The following ALDH5A1 variants were observed in gnomAD, a reference collection of about 807,000 sequenced individuals.
The protein encoded by ALDH5A1 is aldehyde dehydrogenase 5 family member A1.
Under a neutral mutation model 54.7 loss-of-function variants are expected in ALDH5A1, and 33 were observed. The ratio of observed to expected loss-of-function variants is 0.60; its 90% CI spans 0.46 to 0.81. ALDH5A1 has a LOEUF of 0.81. ALDH5A1 is among the 30% of genes least tolerant of loss of function. ALDH5A1 has a pLI of 0.00. For missense variants in ALDH5A1, 657 were observed against 711.0 expected, an observed-to-expected ratio of 0.92 and a Z score of 0.86; for synonymous variants, 294 against 292.7, an observed-to-expected ratio of 1.00 and a Z score of -0.05.
Position 24,522,809 on chromosome 6 carries a change from C to T in ALDH5A1, c.1057C>T (p.His353Tyr). ...CCAATTCTTGGTGCAAAGGGGCATC[C>T]ATGATGCCTTTGTAAAAGCATTCGC... The part of the protein sequence containing the change: ...SNQFLVQRGI[H>Y]DAFVKAFAEA... Residue 353 changes from histidine (H) to tyrosine (Y), a missense_variant, in exon 7 of 10, where the codon CAT becomes TAT. His to Tyr is a moderately conservative substitution (Grantham distance 83). Around this residue, in one of 2 missense-constraint regions of ALDH5A1, gnomAD observed 425 missense variants for 516.4 expected, o/e 0.82. Coordinates refer to ENST00000357578, the MANE Select transcript of ALDH5A1 (RefSeq NM_001080.3). The T allele has an allele frequency of 6.2e-7, 1 of 1,614,062 alleles. No homozygotes were observed. The highest frequency in any genetic ancestry group is 8.5e-7 in the Non-Finnish European group (1 of 1,180,008).
chr6:24,516,440 C>CAAAA (rs34722994), intron 5 of ALDH5A1, among the ~76,000 whole-genome samples: 762 of 70,032 alleles, frequency 0.011, 25 homozygotes, highest in African/African-American at 0.035. Context: ...GACTCTGTCT[C>CAAAA]AAAAAAAAAA....
chr6:24,521,406 C>A (rs1759680037), intron 6 of ALDH5A1, among the ~76,000 whole-genome samples: 1 of 152,248 alleles, frequency 6.6e-6, no homozygotes, highest in Admixed American at 6.5e-5. Context: ...GCCAAGGCTC[C>A]TGTCTTCCAG....
Position 24,535,436 on chromosome 6 carries a change from CTTTA to C in ALDH5A1, c.*1728_*1731del, listed in dbSNP as rs1305039463. On this transcript the variant is annotated 3_prime_UTR_variant, in exon 10 of 10. Transcript: ENST00000357578. ...AGCATTTTGACAGTTAATGTCTTCT[CTTTA>C]TTTGTGTAGTTTTTAGGTGGTTTTA... is the stretch of plus-strand genomic sequence containing the variant. The C allele has an allele frequency of 6.6e-6, 1 of 152,186 alleles. No individual in the cohort carries two copies. 9.4% of individuals were successfully genotyped at this position (152,186 alleles called of 1,614,324 possible).
rs892979003 is a variant in ALDH5A1, at chr6:24,495,191, G to A, written c.195G>A (p.Val65=). Residue 65 remains valine (V), a synonymous_variant, in exon 1 of 10, where the codon GTG becomes GTA. Transcript: ENST00000357578. ...CGCTGCTGCGCACCGACAGCTTCGT[G>A]GGCGGCCGCTGGCTCCCGGCCGCCG... is the stretch of plus-strand genomic sequence containing the variant. ...SAALLRTDSF[V]GGRWLPAAAT... 2.0e-6 allele frequency: 3 copies of A among 1,504,220 alleles called. No homozygotes were observed. The Admixed American group carries it at 6.3e-5, about 31-fold the overall frequency. The allele number at this position is 1,504,220 out of a possible 1,614,324, so 93.2% of individuals were successfully genotyped here. A position where few individuals can be genotyped will look rare whatever the true frequency, so the allele number is the denominator to read the frequency against.
chr6:24,515,398 C>A, intron 5 of ALDH5A1, 88 bp downstream of exon 5: 1 of 1,482,654 alleles, frequency 6.7e-7, no homozygotes, highest in Non-Finnish European at 9.3e-7. Flanking sequence ...TCCTGATCAC[C>A]AATTTTGGAA....
chr6:24,523,572 T>C (rs935936041), intron 7 of ALDH5A1, among the ~76,000 whole-genome samples: 3 of 152,240 alleles, frequency 2.0e-5, no homozygotes, highest in African/African-American at 4.8e-5. Flanking sequence ...AATTTTGTTA[T>C]AGTGATGATA....
In ALDH5A1 at chr6:24,495,281, G is replaced by T; in HGVS notation, c.285G>T (p.Val95=). The part of the protein sequence containing the change: ...AALGMVADCG[V]REARAAVRAA... Reference sequence around the variant, plus strand: ...TGGGCATGGTAGCCGACTGCGGGGTGCGAGAGGCCCGCGCCGCCGTGCGCG... The same window carrying T: ...TGGGCATGGTAGCCGACTGCGGGGTTCGAGAGGCCCGCGCCGCCGTGCGCG... The change falls in exon 1 of 10, where the codon GTG becomes GTT. Residue 95 remains valine, a synonymous_variant. Coordinates refer to ENST00000357578, the MANE Select transcript of ALDH5A1 (RefSeq NM_001080.3). The T allele has an allele frequency of 1.3e-6, 2 of 1,532,564 alleles. No individual in the cohort carries two copies. Among genetic ancestry groups the T allele is most frequent in the Non-Finnish European group, 1.7e-6 (2 of 1,146,216 alleles). The allele number at this position is 1,532,564 out of a possible 1,614,324, so 94.9% of individuals were successfully genotyped here.
In ALDH5A1 at chr6:24,517,414, T is replaced by C. The variant is rs139701211; in HGVS notation, c.870+2104T>C. Among the ~76,000 whole-genome samples, 521 of 152,302 alleles carry C rather than the reference T, an allele frequency of 3.4e-3. 4 individuals carry two copies. The highest frequency in any genetic ancestry group is 0.029 in the South Asian group (141 of 4,830). ...TCCTACCATTCATTCATAATAGAAATAGGAATTTTTAGATCCATAAACTGC... is the reference window on the plus strand; with the variant it reads ...TCCTACCATTCATTCATAATAGAAACAGGAATTTTTAGATCCATAAACTGC... On this transcript the variant is annotated intron_variant, in intron 5 of 9. Transcript: ENST00000357578.
In ALDH5A1 at chr6:24,495,220, C is replaced by A; in HGVS notation, c.224C>A (p.Thr75Asn). The A allele has an allele frequency of 6.6e-7, 1 of 1,512,594 alleles. No individual in the cohort carries two copies. The highest frequency in any genetic ancestry group is 8.8e-7 in the Non-Finnish European group (1 of 1,138,272). 93.7% of individuals were successfully genotyped at this position (1,512,594 alleles called of 1,614,324 possible). A position where few individuals can be genotyped will look rare whatever the true frequency, so the allele number is the denominator to read the frequency against. Residue 75 changes from threonine (T) to asparagine (N), a missense_variant, in exon 1 of 10, where the codon ACC becomes AAC. Around this residue, in one of 2 missense-constraint regions of ALDH5A1, gnomAD observed 232 missense variants for 194.6 expected, o/e 1.19. Transcript: ENST00000357578. ...GGCCGCTGGCTCCCGGCCGCCGCCA[C>A]CTTCCCCGTGCAAGACCCGGCCAGC... is the stretch of plus-strand genomic sequence containing the variant. The part of the protein sequence containing the change: ...VGGRWLPAAA[T>N]FPVQDPASGA...
chr6:24,508,361 CAAA>C (rs1214819272), intron 4 of ALDH5A1, among the ~76,000 whole-genome samples: 160 of 13,054 alleles, frequency 0.012, 3 homozygotes, highest in African/African-American at 0.029. Flanking sequence ...ACTCCATCTC[CAAA>C]AAAAAAAAAA....
intron 1 of ALDH5A1, among the ~76,000 whole-genome samples, chr6:24,501,786 A>G (rs1161975861): frequency 6.6e-6 from 1 of 151,896 alleles, no homozygotes; most frequent in Non-Finnish European, 1.5e-5. Flanking sequence ...ACCCTGTCTC[A>G]AAAACAAACA....
At chr6:24,522,662 A>T (rs1759716933) in intron 6 of ALDH5A1, 105 bp from the exon 7 acceptor site, 1 of 1,385,310 alleles carries the variant, frequency 7.2e-7, no homozygotes, top group African/African-American at 1.4e-5. Context: ...CATGACAACC[A>T]CCGAGGGAAG....
At chr6:24,527,605 T>A (rs2744594) in intron 7 of ALDH5A1, among the ~76,000 whole-genome samples, 128,619 of 152,178 alleles carry the variant, frequency 0.85, 55,262 homozygotes, top group Non-Finnish European at 0.91. Flanking sequence ...CTACTTGAGA[T>A]TATGTGTGTC....
At position 24,517,701 on chromosome 6, in the gene ALDH5A1, C is replaced by T. The variant is rs190315164; in HGVS notation, c.870+2391C>T. ...CAGCTTTGCTCCTCTTGACCCAGGA[C>T]AGTGATGCACCTCTAGTGACTGAAC... is the stretch of plus-strand genomic sequence containing the variant. On this transcript the variant is annotated intron_variant, in intron 5 of 9. Coordinates refer to ENST00000357578, the MANE Select transcript of ALDH5A1 (RefSeq NM_001080.3). Among the ~76,000 whole-genome samples, 597 of 152,364 alleles carry T rather than the reference C, an allele frequency of 3.9e-3. 2 individuals carry two copies. Among genetic ancestry groups the T allele is most frequent in the Non-Finnish European group, 6.3e-3 (430 of 68,036 alleles).
intron 8 of ALDH5A1, among the ~76,000 whole-genome samples, chr6:24,528,824 C>T (rs1289034925): frequency 2.7e-5 from 4 of 148,028 alleles, no homozygotes; most frequent in Non-Finnish European, 4.5e-5. Flanking sequence ...ACTACAGGCA[C>T]GCGCACCATG....
intron 7 of ALDH5A1, among the ~76,000 whole-genome samples, chr6:24,527,099 C>T (rs1245710750): frequency 6.7e-6 from 1 of 149,018 alleles, no homozygotes; most frequent in Non-Finnish European, 1.5e-5. Context: ...GGGTGAGAAC[C>T]ATTTTTGGCT....
At chr6:24,505,534 G>A (rs1759322129) in intron 4 of ALDH5A1, among the ~76,000 whole-genome samples, 1 of 151,132 alleles carries the variant, frequency 6.6e-6, no homozygotes, top group South Asian at 2.1e-4. Context: ...TCCAGACCCC[G>A]CCAGCCTTGC....
At chr6:24,507,323 T>G (rs1369427801) in intron 4 of ALDH5A1, among the ~76,000 whole-genome samples, 1 of 152,206 alleles carries the variant, frequency 6.6e-6, no homozygotes, top group Non-Finnish European at 1.5e-5. Context: ...CTCACATTTT[T>G]TTTTTTTTAC....
chr6:24,511,649 G>A (rs865958524), intron 4 of ALDH5A1, among the ~76,000 whole-genome samples: 32 of 150,868 alleles, frequency 2.1e-4, no homozygotes, highest in African/African-American at 6.8e-4. Context: ...TTCTATAAGT[G>A]CACCCATTGT....
Sources: gnomAD v4.1 joint callset for allele counts (sites outside exome capture counted in the v4.1 genomes callset) on GRCh38, gnomAD v4.1.1 for gene constraint, gnomAD v4.1.1 regional missense constraint, MANE v1.5 for transcripts, NCBI Gene and HGNC (gene_info 2026-07-23, HGNC 2026-07-21) for gene names.